The following CSMD3 variants were observed in gnomAD, a reference collection of about 807,000 sequenced individuals.
CSMD3 encodes the protein CUB and sushi domain-containing protein 3.
CSMD3 carries 177 observed loss-of-function variants against 435.2 expected under a neutral mutation model. The ratio of observed to expected loss-of-function variants is 0.41; its 90% CI spans 0.36 to 0.46. The LOEUF (loss-of-function observed/expected upper bound fraction) is 0.46, where lower values mean the gene tolerates loss of function less well. Among genes scored for constraint, CSMD3 ranks in the 20% least tolerant of loss-of-function variants. The pLI is 0.34. For synonymous variants in CSMD3, 1,656 were observed against 1,520.5 expected (o/e 1.09, Z -2.07); for missense variants, 4,265 against 4,504.6 (o/e 0.95, Z 1.52).
intron 16 of CSMD3, among the ~76,000 whole-genome samples, chr8:112,677,584 T>C (rs2075796228): frequency 6.6e-6 from 1 of 150,574 alleles, no homozygotes; most frequent in South Asian, 2.1e-4. Context: ...AAAAATAGGA[T>C]AAGACATGAG....
chr8:112,392,292 C>T (rs953659530), intron 35 of CSMD3, among the ~76,000 whole-genome samples: 48 of 116,706 alleles, frequency 4.1e-4, no homozygotes, highest in Non-Finnish European at 6.4e-4. Context: ...CAAAGACAAA[C>T]GCAAAAACCA....
chr8:112,840,683 C>T (rs1182068551), intron 11 of CSMD3, among the ~76,000 whole-genome samples: 1 of 151,562 alleles, frequency 6.6e-6, no homozygotes, highest in African/African-American at 2.4e-5. Flanking sequence ...ACCCCAGAAA[C>T]AATTTTTATG....
chr8:113,168,067 A>G (rs1212395093), intron 4 of CSMD3, among the ~76,000 whole-genome samples: 1 of 152,152 alleles, frequency 6.6e-6, no homozygotes, highest in Non-Finnish European at 1.5e-5. Context: ...TTTATATTCA[A>G]TAGTGCATTT....
At chr8:112,429,082 G>T (rs1379350887) in intron 32 of CSMD3, among the ~76,000 whole-genome samples, 1 of 151,940 alleles carries the variant, frequency 6.6e-6, no homozygotes, top group Non-Finnish European at 1.5e-5. Flanking sequence ...ATTTTTTCAA[G>T]AATCCAATAT....
intron 10 of CSMD3, among the ~76,000 whole-genome samples, chr8:112,877,874 A>T (rs1327857536): frequency 6.6e-6 from 1 of 152,150 alleles, no homozygotes; most frequent in African/African-American, 2.4e-5. Context: ...TATGCAGAAA[A>T]GAGAAACTGG....
chr8:112,960,236 A>T (rs2084177644), intron 7 of CSMD3, among the ~76,000 whole-genome samples: 1 of 151,554 alleles, frequency 6.6e-6, no homozygotes, highest in Non-Finnish European at 1.5e-5. Flanking sequence ...TTTTCAGAAC[A>T]TACTTATCAC....
At chr8:113,434,794 G>C (rs532215411) in intron 1 of CSMD3, among the ~76,000 whole-genome samples, 103 of 152,272 alleles carry the variant, frequency 6.8e-4, no homozygotes, top group African/African-American at 2.3e-3. Context: ...TACGGTAGGT[G>C]CGGGCAGCCG....
At chr8:112,550,405 T>TC (rs1194968346) in intron 27 of CSMD3, among the ~76,000 whole-genome samples, 1 of 151,906 alleles carries the variant, frequency 6.6e-6, no homozygotes, top group African/African-American at 2.4e-5. Flanking sequence ...ATTTTTTTTT[T>TC]AGCTGAGTAA....
At chr8:113,156,031 A>T (rs1303913578) in intron 4 of CSMD3, among the ~76,000 whole-genome samples, 1 of 151,210 alleles carries the variant, frequency 6.6e-6, no homozygotes, top group Non-Finnish European at 1.5e-5. Flanking sequence ...CATTTGCTCA[A>T]TTTTTTTTTC....
chr8:112,276,576 G>C (rs180907099), intron 59 of CSMD3, among the ~76,000 whole-genome samples: 1 of 152,080 alleles, frequency 6.6e-6, no homozygotes, highest in Non-Finnish European at 1.5e-5. Context: ...TCATGGGTCA[G>C]ACCCAGGGCC....
chr8:112,827,970 C>G (rs1027574606), intron 12 of CSMD3, among the ~76,000 whole-genome samples: 1 of 152,116 alleles, frequency 6.6e-6, no homozygotes, highest in Non-Finnish European at 1.5e-5. Context: ...CCTTAAAACT[C>G]TGTATTTGAC....
At chr8:113,031,396 A>G (rs897208351) in intron 5 of CSMD3, among the ~76,000 whole-genome samples, 1 of 151,710 alleles carries the variant, frequency 6.6e-6, no homozygotes, top group African/African-American at 2.4e-5. Context: ...ATTAAGAGCA[A>G]AGGAAAAAGC....
At chr8:113,310,363 T>C (rs925939689) in intron 2 of CSMD3, 4 of 151,918 alleles carry the variant, frequency 2.6e-5, no homozygotes, top group Non-Finnish European at 5.9e-5. Context: ...GGATAATATA[T>C]ATCATATAAA....
intron 5 of CSMD3, among the ~76,000 whole-genome samples, chr8:113,026,903 G>T (rs2086896575): frequency 6.6e-6 from 1 of 152,070 alleles, no homozygotes; most frequent in Non-Finnish European, 1.5e-5. Flanking sequence ...CTTTCACCTT[G>T]TTTATATTAT....
At chr8:112,318,752 A>G (rs1235987124) in intron 47 of CSMD3, 85 bp downstream of exon 47, 10 of 823,772 alleles carry the variant, frequency 1.2e-5, no homozygotes, top group South Asian at 8.8e-5. Context: ...TCATATTTAT[A>G]TAGATTTTTC....
chr8:112,776,827 T>C (rs898334445), intron 13 of CSMD3, among the ~76,000 whole-genome samples: 3 of 151,794 alleles, frequency 2.0e-5, no homozygotes, highest in South Asian at 2.1e-4. Flanking sequence ...GAGAAACACA[T>C]CCTTGGGTAA....
chr8:112,633,793 A>G (rs2074580704), intron 22 of CSMD3, among the ~76,000 whole-genome samples: 1 of 152,024 alleles, frequency 6.6e-6, no homozygotes, highest in Non-Finnish European at 1.5e-5. Flanking sequence ...TTCCCTTACT[A>G]TCCAGAATCA....
At chr8:113,291,178 A>C (rs117458454) in intron 2 of CSMD3, among the ~76,000 whole-genome samples, 4,488 of 151,666 alleles carry the variant, frequency 0.03, 84 homozygotes, top group Admixed American at 0.04. Flanking sequence ...GTTGTTGAAA[A>C]CCATGGAAAT....
At chr8:112,825,318 C>A (rs1325791655) in intron 12 of CSMD3, among the ~76,000 whole-genome samples, 1 of 152,180 alleles carries the variant, frequency 6.6e-6, no homozygotes, top group East Asian at 1.9e-4. Flanking sequence ...ATTCCTCCAT[C>A]TCATCCTCTG....
Sources: allele counts gnomAD v4.1 joint callset (sites outside exome capture counted in the v4.1 genomes callset), GRCh38; gene constraint gnomAD v4.1.1; transcripts MANE v1.5; gene names NCBI Gene and HGNC (gene_info 2026-07-23, HGNC 2026-07-21).